TMEM9: variants seen among roughly 807,000 people sequenced by gnomAD.
The protein encoded by TMEM9 is transmembrane protein 9, also known as proton-transporting V-type ATPase complex assembly regulator TMEM9.
TMEM9 carries 13 observed loss-of-function variants against 22.8 expected under a neutral mutation model. That is an observed-to-expected ratio of 0.57 (90% confidence interval 0.37 to 0.91). TMEM9 has a LOEUF of 0.91. TMEM9 is among the 40% of genes least tolerant of loss of function. TMEM9 has a pLI of 0.01. For synonymous variants in TMEM9, 88 were observed against 93.0 expected, an observed-to-expected ratio of 0.95 and a Z score of 0.31; for missense variants, 182 against 238.1, an observed-to-expected ratio of 0.76 and a Z score of 1.55.
At chr1:201,138,998 C>A (rs1486736249) in intron 4 of TMEM9, among the ~76,000 whole-genome samples, 1 of 152,228 alleles carries the variant, frequency 6.6e-6, no homozygotes, top group Non-Finnish European at 1.5e-5. Flanking sequence ...ATGCTCAGGA[C>A]ATCAAGCGAG....
intron 2 of TMEM9, among the ~76,000 whole-genome samples, chr1:201,148,441 A>C (rs1174788752): frequency 6.6e-6 from 1 of 152,190 alleles, no homozygotes; most frequent in Non-Finnish European, 1.5e-5. Flanking sequence ...GAAAAATCCA[A>C]ACCCCTTGGA....
chr1:201,148,496 C>T (rs953733177), intron 2 of TMEM9, among the ~76,000 whole-genome samples: 2 of 152,350 alleles, frequency 1.3e-5, no homozygotes, highest in Middle Eastern at 3.4e-3. Flanking sequence ...TGCACCTGGG[C>T]TCTGTCCTGG....
chr1:201,165,190 G>T (rs1192460478), intron 1 of TMEM9, among the ~76,000 whole-genome samples: 3 of 119,458 alleles, frequency 2.5e-5, no homozygotes, highest in African/African-American at 9.3e-5. Flanking sequence ...TCATTATCAT[G>T]AGGGTAATAT....
intron 4 of TMEM9, among the ~76,000 whole-genome samples, chr1:201,139,129 C>CTGGT (rs1462466889): frequency 6.6e-6 from 1 of 152,228 alleles, no homozygotes; most frequent in Non-Finnish European, 1.5e-5. Context: ...CCCAGAAGCA[C>CTGGT]TGGTTCTGAG....
rs1373074290 is a variant in TMEM9, at chr1:201,144,453, CCT to C, written c.268-504_268-503del. On this transcript the variant is annotated intron_variant, in intron 3 of 4. Transcript: ENST00000367330. ...CGCGCTGGCCCACTCATGGCATGCC[CCT>C]GAGCAGAGTGGCTAGGGCTGGTAAG... 3.0e-5 allele frequency: 5 copies of C among 165,646 alleles called. No individual in the cohort carries two copies. The East Asian group carries it at 8.5e-4, about 28-fold the overall frequency. 10.3% of individuals were successfully genotyped at this position (165,646 alleles called of 1,614,324 possible).
At chr1:201,156,250 T>C (rs1164205445), upstream of TMEM9, among the ~76,000 whole-genome samples, 1 of 152,184 alleles carries the variant, frequency 6.6e-6, no homozygotes, top group Non-Finnish European at 1.5e-5. Flanking sequence ...GACTCCTCTC[T>C]CATATTTCCA....
At chr1:201,164,308 A>C (rs1167310464) in intron 1 of TMEM9, among the ~76,000 whole-genome samples, 1 of 152,228 alleles carries the variant, frequency 6.6e-6, no homozygotes, top group Non-Finnish European at 1.5e-5. Flanking sequence ...TTGATTATGG[A>C]AACGTTAATA....
intron 4 of TMEM9, 84 bp downstream of exon 4, chr1:201,143,736 T>G: frequency 2.1e-6 from 3 of 1,453,472 alleles, no homozygotes; most frequent in Non-Finnish European, 2.9e-6. Flanking sequence ...AGGTGGGACC[T>G]GGACCTAGGT....
chr1:201,159,585 T>C, intron 1 of TMEM9, among the ~76,000 whole-genome samples: 1 of 151,836 alleles, frequency 6.6e-6, no homozygotes, highest in East Asian at 1.9e-4. Context: ...CTTTTTTTTT[T>C]TTTTTTTTAA....
At chr1:201,153,830 C>T (rs1175944253) in intron 1 of TMEM9, 28 bp downstream of exon 1, 5 of 1,613,718 alleles carry the variant, frequency 3.1e-6, no homozygotes, top group Non-Finnish European at 4.2e-6. Flanking sequence ...GTGGTCGTGA[C>T]CAGGTGCTGC....
upstream of TMEM9, among the ~76,000 whole-genome samples, chr1:201,157,222 T>G (rs1460241095): frequency 1.3e-5 from 2 of 152,158 alleles, no homozygotes; most frequent in Admixed American, 1.3e-4. Context: ...GCACCAGGTG[T>G]GCCATCTGCA....
At chr1:201,160,408 G>A (rs894146364) in intron 1 of TMEM9, among the ~76,000 whole-genome samples, 6 of 151,562 alleles carry the variant, frequency 4.0e-5, no homozygotes, top group African/African-American at 1.2e-4. Context: ...TGACCAATAT[G>A]GAGAAACCCT....
At position 201,146,817 on chromosome 1, in the gene TMEM9, C is replaced by G; in HGVS notation, c.190G>C (p.Val64Leu). The change falls in exon 3 of 5, where the codon GTG becomes CTG. Residue 64 changes from valine (V) to leucine (L), a missense_variant. By Grantham distance (32) the Val-to-Leu change is conservative. Coordinates refer to ENST00000367330, the MANE Select transcript of TMEM9 (RefSeq NM_001288565.2). ...NCLHVVEPMPVPGHDVEAYCL... is the reference protein window; with the variant it reads ...NCLHVVEPMPLPGHDVEAYCL... ...TAGGCCTCCACGTCATGGCCAGGCA[C>G]TGGCATGGGCTCCACCACGTGCAGG... is the stretch of plus-strand genomic sequence containing the variant. 1 of 1,614,226 alleles carries G rather than the reference C, an allele frequency of 6.2e-7. No homozygotes were observed. Among genetic ancestry groups the G allele is most frequent in the Non-Finnish European group, 8.5e-7 (1 of 1,180,046 alleles).
chr1:201,143,869 C>T lies in TMEM9; in HGVS notation c.350G>A (p.Arg117Gln), dbSNP rs767320774. The T allele has an allele frequency of 1.2e-5, 20 of 1,614,052 alleles. No homozygotes were observed. The highest frequency in any genetic ancestry group is 3.3e-5 in the Admixed American group (2 of 60,018). Reference sequence around the variant, plus strand: ...TTGCTCAGTATATGCATCCGGCTTTCGGATCAGAGGGTCCACCAGCATCAG... The same window carrying T: ...TTGCTCAGTATATGCATCCGGCTTTTGGATCAGAGGGTCCACCAGCATCAG... ...AFLMLVDPLI[R>Q]KPDAYTEQLH... The change falls in exon 4 of 5, where the codon CGA becomes CAA. Residue 117 changes from arginine to glutamine, a missense_variant. Coordinates refer to ENST00000367330, the MANE Select transcript of TMEM9 (RefSeq NM_001288565.2).
rs141612034 is a variant in TMEM9 at position 201,140,457 on chromosome 1, C to T, written c.399+3363G>A. ...CTGGAATCCCAGGGGAGGCAGCGCCCAGCAATCAGGGCCTACTGAGGCTCT... is the reference window on the plus strand; with the variant it reads ...CTGGAATCCCAGGGGAGGCAGCGCCTAGCAATCAGGGCCTACTGAGGCTCT... On this transcript the variant is annotated intron_variant, in intron 4 of 4. Transcript: ENST00000367330. Among the ~76,000 whole-genome samples, 890 of 152,334 alleles carry T rather than the reference C, an allele frequency of 5.8e-3. 15 individuals are homozygous for T. Among genetic ancestry groups the T allele is most frequent in the African/African-American group, 0.021 (854 of 41,578 alleles).
At chr1:201,136,242 A>G (rs1663973067) in intron 4 of TMEM9, among the ~76,000 whole-genome samples, 1 of 152,228 alleles carries the variant, frequency 6.6e-6, no homozygotes, top group South Asian at 2.1e-4. Flanking sequence ...ACTTAGGCAG[A>G]GGACTTGATG....
chr1:201,135,849 A>T, intron 4 of TMEM9, 34 bp from the exon 5 acceptor site: 4 of 1,552,068 alleles, frequency 2.6e-6, no homozygotes, highest in Non-Finnish European at 3.5e-6. Context: ...AAGATCTGGC[A>T]CGGTAAGCCA....
chr1:201,165,832 C>T (rs1224995025), intron 1 of TMEM9, among the ~76,000 whole-genome samples: 2 of 152,168 alleles, frequency 1.3e-5, no homozygotes, highest in African/African-American at 2.4e-5. Flanking sequence ...CACTCATGTC[C>T]CCTGATCACT....
chr1:201,151,730 A>G (rs539593281), intron 2 of TMEM9, 31 bp downstream of exon 2: 4 of 1,549,002 alleles, frequency 2.6e-6, no homozygotes, highest in Non-Finnish European at 3.6e-6. Context: ...AACTGGGTAT[A>G]GCAGCCAGGG....
Sources: allele counts gnomAD v4.1 joint callset (sites outside exome capture counted in the v4.1 genomes callset), GRCh38; gene constraint gnomAD v4.1.1; transcripts MANE v1.5; gene names NCBI Gene and HGNC (gene_info 2026-07-23, HGNC 2026-07-21).